The following NUS1 variants were observed in gnomAD, a reference collection of about 807,000 sequenced individuals.
NUS1 encodes dehydrodolichyl diphosphate synthase complex subunit NUS1.
For synonymous variants in NUS1, 135 were observed against 155.2 expected (o/e 0.87, Z 0.97); for missense variants, 292 against 382.9 (o/e 0.76, Z 1.98).
At chr6:117,696,545 A>G (rs530795410) in intron 3 of NUS1, among the ~76,000 whole-genome samples, 33 of 152,294 alleles carry the variant, frequency 2.2e-4, no homozygotes, top group African/African-American at 7.9e-4. Flanking sequence ...ACAACATACA[A>G]TAGAGGTTCA....
chr6:117,681,684 C>T (rs974013763), intron 1 of NUS1, among the ~76,000 whole-genome samples: 2 of 152,218 alleles, frequency 1.3e-5, no homozygotes, highest in Non-Finnish European at 2.9e-5. Flanking sequence ...TATCTTCCCT[C>T]ATGTGGAAAC....
intron 3 of NUS1, among the ~76,000 whole-genome samples, chr6:117,698,865 A>G (rs1270242067): frequency 6.6e-6 from 1 of 152,190 alleles, no homozygotes; most frequent in East Asian, 1.9e-4. Context: ...GAACATACAC[A>G]AATCAATGAA....
chr6:117,702,407 T>C (rs1773423674), intron 3 of NUS1, among the ~76,000 whole-genome samples: 1 of 152,208 alleles, frequency 6.6e-6, no homozygotes, highest in Non-Finnish European at 1.5e-5. Context: ...GGGGTGGGCA[T>C]TGGGAGCAGT....
At chr6:117,703,921 A>G (rs1419559703) in intron 4 of NUS1, among the ~76,000 whole-genome samples, 1 of 152,196 alleles carries the variant, frequency 6.6e-6, no homozygotes, top group Admixed American at 6.5e-5. Flanking sequence ...GCCACTGATT[A>G]CCTTAGGAGA....
chr6:117,704,062 G>C (rs1375768371), intron 4 of NUS1, among the ~76,000 whole-genome samples: 1 of 152,102 alleles, frequency 6.6e-6, no homozygotes, highest in South Asian at 2.1e-4. Context: ...AAGAAATAAG[G>C]AACTAGCCAC....
intron 3 of NUS1, among the ~76,000 whole-genome samples, chr6:117,702,176 G>T (rs1360230851): frequency 2.0e-5 from 3 of 152,116 alleles, no homozygotes; most frequent in African/African-American, 7.2e-5. Flanking sequence ...ATTAACTGGG[G>T]CTACAACCTC....
At chr6:117,685,854 A>C (rs1282746803) in intron 1 of NUS1, among the ~76,000 whole-genome samples, 1 of 152,122 alleles carries the variant, frequency 6.6e-6, no homozygotes, top group Non-Finnish European at 1.5e-5. Context: ...CTTTTTAAAA[A>C]GAGCTCTGGA....
rs1240898138 is a variant in NUS1, at chr6:117,700,972, G to A, written c.692-2633G>A. Among the ~76,000 whole-genome samples, 3 of 151,218 alleles carry A rather than the reference G, an allele frequency of 2.0e-5. 1 individual carries two copies. The highest frequency in any genetic ancestry group is 4.4e-5 in the Non-Finnish European group (3 of 67,830). On this transcript the variant is annotated intron_variant, in intron 3 of 4. Transcript: ENST00000368494. ...GCTGGGAAAGATAATGGGGGAGTGA[G>A]CCAGCAGGGAAGTGAGGCTGGCTAC...
At position 117,676,844 on chromosome 6, in the gene NUS1, G is replaced by A. The variant is rs151134991; in HGVS notation, c.415+759G>A. ...TTCCAGGCGCTGTTCTTAAGTCGCA[G>A]TGAGGCTATAGAGGACTTAGGCATG... On this transcript the variant is annotated intron_variant, in intron 1 of 4. Coordinates refer to ENST00000368494, the MANE Select transcript of NUS1 (RefSeq NM_138459.5). Among the ~76,000 whole-genome samples the A allele has an allele frequency of 5.1e-3, 772 of 152,334 alleles. 4 individuals carry two copies. Among genetic ancestry groups the A allele is most frequent in the South Asian group, 0.028 (133 of 4,834 alleles).
chr6:117,697,394 A>G (rs996479104), intron 3 of NUS1, among the ~76,000 whole-genome samples: 1 of 152,104 alleles, frequency 6.6e-6, no homozygotes, highest in African/African-American at 2.4e-5. Context: ...AGACCCAATG[A>G]TCTGTTGCCT....
chr6:117,691,552 G>GATAGATATATATATATCT (rs1258674063), intron 1 of NUS1, among the ~76,000 whole-genome samples: 3 of 37,556 alleles, frequency 8.0e-5, no homozygotes, highest in African/African-American at 2.0e-4. Flanking sequence ...CTGTGCCATA[G>GATAGATATATATATATCT]ATATAGATAT....
chr6:117,688,499 A>T (rs1582468447), intron 1 of NUS1, among the ~76,000 whole-genome samples: 1 of 151,862 alleles, frequency 6.6e-6, no homozygotes, highest in Non-Finnish European at 1.5e-5. Flanking sequence ...ACAATTTTAA[A>T]TCACCTGCTG....
chr6:117,695,833 C>G (rs543959579), intron 3 of NUS1, among the ~76,000 whole-genome samples: 1 of 152,132 alleles, frequency 6.6e-6, no homozygotes, highest in Non-Finnish European at 1.5e-5. Context: ...TTATGTCTTG[C>G]TTTGTTTACT....
rs547905502 is a variant in NUS1 at position 117,680,891 on chromosome 6, G to A, written c.415+4806G>A. On this transcript the variant is annotated intron_variant, in intron 1 of 4. Coordinates refer to ENST00000368494, the MANE Select transcript of NUS1 (RefSeq NM_138459.5). ...GCTATTTCCTTAGTTTATTTAAATC[G>A]AAGCTAGGTTGCTTTTGAAATGGTT... is the stretch of plus-strand genomic sequence containing the variant. 5.3e-5 allele frequency among the ~76,000 whole-genome samples: 8 copies of A among 152,126 alleles called. No individual in the cohort carries two copies. The South Asian group carries it at 8.3e-4, about 16-fold the overall frequency.
At chr6:117,687,069 T>C (rs1034065249) in intron 1 of NUS1, among the ~76,000 whole-genome samples, 2 of 152,220 alleles carry the variant, frequency 1.3e-5, no homozygotes, top group African/African-American at 4.8e-5. Flanking sequence ...ATTTTACTTC[T>C]GCATCCAAAT....
intron 1 of NUS1, among the ~76,000 whole-genome samples, chr6:117,691,918 G>A (rs1773228307): frequency 6.6e-6 from 1 of 151,726 alleles, no homozygotes; most frequent in South Asian, 2.1e-4. Flanking sequence ...ATCAGATTTA[G>A]ACTTTCCCAT....
chr6:117,683,275 A>G (rs963779389), intron 1 of NUS1, among the ~76,000 whole-genome samples: 5 of 152,126 alleles, frequency 3.3e-5, no homozygotes, highest in African/African-American at 9.7e-5. Flanking sequence ...CTGCAGTATA[A>G]TTTTCTACAG....
intron 3 of NUS1, among the ~76,000 whole-genome samples, chr6:117,699,136 G>C (rs1037583874): frequency 9.9e-5 from 15 of 152,206 alleles, no homozygotes; most frequent in African/African-American, 3.4e-4. Flanking sequence ...GCATAGCACT[G>C]GCGGTCCTAG....
At position 117,707,133 on chromosome 6, in the gene NUS1, T is replaced by A; in HGVS notation, c.*118T>A. On this transcript the variant is annotated 3_prime_UTR_variant, in exon 5 of 5. Transcript: ENST00000368494. ...CACCTAGTTCATAATCCTCATAATT[T>A]ATCAACAAACACAAAAAAGTGTCTT... 1 of 886,172 alleles carries A rather than the reference T, an allele frequency of 1.1e-6. No homozygotes were observed. Among genetic ancestry groups the A allele is most frequent in the Non-Finnish European group, 1.8e-6 (1 of 554,410 alleles). 54.9% of individuals were successfully genotyped at this position (886,172 alleles called of 1,614,324 possible).
Sources: allele counts gnomAD v4.1 joint callset (sites outside exome capture counted in the v4.1 genomes callset), GRCh38; gene constraint gnomAD v4.1.1; transcripts MANE v1.5; gene names NCBI Gene and HGNC (gene_info 2026-07-23, HGNC 2026-07-21).